The following LRP6 variants were observed in gnomAD, a reference collection of about 807,000 sequenced individuals.
LRP6 encodes the protein low-density lipoprotein receptor-related protein 6.
A neutral mutation model predicts 184.1 loss-of-function variants in LRP6; 43 were observed. The observed-to-expected ratio is 0.23, with a 90% CI of 0.18 to 0.30. LRP6 has a LOEUF of 0.30. LRP6 is among the 10% of genes least tolerant of loss of function. The pLI is 1.00. For missense variants in LRP6, 1,571 were observed against 2,005.3 expected, an observed-to-expected ratio of 0.78 and a Z score of 4.14; for synonymous variants, 719 against 684.9, an observed-to-expected ratio of 1.05 and a Z score of -0.78.
At chr12:12,201,360 C>A (rs1863910725) in intron 3 of LRP6, among the ~76,000 whole-genome samples, 1 of 152,200 alleles carries the variant, frequency 6.6e-6, no homozygotes, top group Admixed American at 6.5e-5. Flanking sequence ...CTAGCTTCTT[C>A]TGTCTTTACC....
chr12:12,147,478 G>C lies in LRP6; in HGVS notation c.3285C>G (p.Val1095=). The stretch of plus-strand genomic sequence containing the variant: ...GTTTACTTAAGCCACTGAAAAAGAG[G>C]ACCTCCCGTTCTGTCCCATCCAAAG... ...RAALDGTERE[V]LFFSGLSKPI... Residue 1095 remains valine, a synonymous_variant, in exon 15 of 23, where the codon GTC becomes GTG. Coordinates refer to ENST00000261349, the MANE Select transcript of LRP6 (RefSeq NM_002336.3). 1 of 1,614,084 alleles carries C rather than the reference G, an allele frequency of 6.2e-7. No individual in the cohort carries two copies. The highest frequency in any genetic ancestry group is 8.5e-7 in the Non-Finnish European group (1 of 1,180,010).
chr12:12,263,918 A>C (rs1281422340), intron 1 of LRP6, among the ~76,000 whole-genome samples: 1 of 152,018 alleles, frequency 6.6e-6, no homozygotes, highest in African/African-American at 2.4e-5. Flanking sequence ...TGAGAGGATC[A>C]CTTGAGGCCA....
Position 12,164,429 on chromosome 12 carries a change from A to G in LRP6, c.1896T>C (p.Ala632=), listed in dbSNP as rs761048803. 9.3e-6 allele frequency: 15 copies of G among 1,614,202 alleles called. No homozygotes were observed. In the South Asian group the frequency reaches 1.6e-4, roughly 18 times the overall value. ...CTGCTCTCCGTGAAAACAAAAGGAA[A>G]GCCTCTGGGACAATGCAGGTCTTCA... ...SDMKTCIVPE[A]FLLFSRRADI... Residue 632 remains alanine (A), a synonymous_variant, in exon 9 of 23, where the codon GCT becomes GCC. Coordinates refer to ENST00000261349, the MANE Select transcript of LRP6 (RefSeq NM_002336.3).
Position 12,185,816 on chromosome 12 carries a change from A to G in LRP6, c.844+1107T>C, listed in dbSNP as rs548610923. On this transcript the variant is annotated intron_variant, in intron 4 of 22. Coordinates refer to ENST00000261349, the MANE Select transcript of LRP6 (RefSeq NM_002336.3). ...TTAACAGAGTTTTCATTTAAAAAGAAGAGGCGTTTTTGTGTGTGTGTGTGT... is the reference window on the plus strand; with the variant it reads ...TTAACAGAGTTTTCATTTAAAAAGAGGAGGCGTTTTTGTGTGTGTGTGTGT... Among the ~76,000 whole-genome samples the G allele has an allele frequency of 1.3e-3, 191 of 151,022 alleles. 3 individuals carry two copies. In the East Asian group the frequency reaches 0.032, roughly 25 times the overall value.
chr12:12,208,533 G>C (rs1406092577), intron 2 of LRP6, among the ~76,000 whole-genome samples: 4 of 152,152 alleles, frequency 2.6e-5, no homozygotes, highest in Non-Finnish European at 5.9e-5. Flanking sequence ...GCTCTTGGCA[G>C]GTTTTGTTAT....
At chr12:12,247,153 G>A (rs1865208784) in intron 1 of LRP6, among the ~76,000 whole-genome samples, 1 of 152,094 alleles carries the variant, frequency 6.6e-6, no homozygotes, top group Non-Finnish European at 1.5e-5. Context: ...CATACTATGG[G>A]CCAAATATAA....
rs1949579883 is a variant in LRP6 at position 12,120,015 on chromosome 12, AT to A, written c.*1110del. 9.4e-6 allele frequency: 1 copy of A among 105,876 alleles called. No individual in the cohort carries two copies. The highest frequency in any genetic ancestry group is 3.3e-5 in the African/African-American group (1 of 30,622). The allele number at this position is 105,876 out of a possible 1,614,324, so 6.6% of individuals were successfully genotyped here. On this transcript the variant is annotated 3_prime_UTR_variant, in exon 23 of 23. Coordinates refer to ENST00000261349, the MANE Select transcript of LRP6 (RefSeq NM_002336.3). ...AATATATATATATATATATATATATATATATATATATATATATATATATATA... is the reference window on the plus strand; with the variant it reads ...AATATATATATATATATATATATATAATATATATATATATATATATATATA...
At chr12:12,165,885 C>T (rs1281301540) in intron 7 of LRP6, among the ~76,000 whole-genome samples, 1 of 152,034 alleles carries the variant, frequency 6.6e-6, no homozygotes, top group Non-Finnish European at 1.5e-5. Flanking sequence ...ACAAAAGTAT[C>T]GGGATTATAT....
chr12:12,138,449 A>G lies in LRP6; in HGVS notation c.3483T>C (p.Asp1161=). The part of the protein sequence containing the change: ...TVFENWLYWI[D]KQQQMIEKID... ...TTTTTTCAATCATTTGCTGCTGTTT[A>G]TCAATCCAATAGAGCCAGTTTTCAA... is the stretch of plus-strand genomic sequence containing the variant. Residue 1161 remains aspartate, a synonymous_variant, in exon 16 of 23, where the codon GAT becomes GAC. Coordinates refer to ENST00000261349, the MANE Select transcript of LRP6 (RefSeq NM_002336.3). 6.2e-7 allele frequency: 1 copy of G among 1,614,126 alleles called. No individual in the cohort carries two copies. The highest frequency in any genetic ancestry group is 8.5e-7 in the Non-Finnish European group (1 of 1,180,022).
chr12:12,165,022 T>C, intron 8 of LRP6, 57 bp downstream of exon 8: 1 of 1,285,670 alleles, frequency 7.8e-7, no homozygotes, highest in Non-Finnish European at 1.1e-6. Flanking sequence ...CTGCTGACTA[T>C]CTCCATCTTT....
intron 7 of LRP6, among the ~76,000 whole-genome samples, chr12:12,179,449 A>G (rs143379697): frequency 1.3e-5 from 2 of 151,428 alleles, no homozygotes; most frequent in African/African-American, 4.9e-5. Flanking sequence ...TTGTTTTCCT[A>G]ACTTAGGACA....
In LRP6 at chr12:12,164,482, G is replaced by A. The variant is rs781725492; in HGVS notation, c.1843C>T (p.Pro615Ser). 6.2e-7 allele frequency: 1 copy of A among 1,614,076 alleles called. No homozygotes were observed. Among genetic ancestry groups the A allele is most frequent in the Non-Finnish European group, 8.5e-7 (1 of 1,180,026 alleles). The change falls in exon 9 of 23, where the codon CCT becomes TCT. Residue 615 changes from proline to serine, a missense_variant. By Grantham distance (74) the Pro-to-Ser change is moderately conservative. Coordinates refer to ENST00000261349, the MANE Select transcript of LRP6 (RefSeq NM_002336.3). ...YRPQGLRCAC[P>S]IGFELISDMK... The stretch of plus-strand genomic sequence containing the variant: ...TCACTGATGAGTTCAAAGCCAATAG[G>A]GCAAGCACAGCGAAGGCCCTGAGGT...
intron 2 of LRP6, among the ~76,000 whole-genome samples, chr12:12,234,260 G>A (rs550086984): frequency 1.6e-4 from 25 of 151,654 alleles, no homozygotes; most frequent in African/African-American, 5.6e-4. Flanking sequence ...ACACTTTAGC[G>A]TGGGCAACAA....
chr12:12,123,563 A>G (rs933048689), intron 22 of LRP6, among the ~76,000 whole-genome samples: 2 of 152,224 alleles, frequency 1.3e-5, no homozygotes, highest in African/African-American at 2.4e-5. Context: ...TATCTAGAAG[A>G]TAACAGGCAC....
chr12:12,149,539 C>T (rs1950052722), intron 13 of LRP6, among the ~76,000 whole-genome samples: 2 of 152,186 alleles, frequency 1.3e-5, no homozygotes, highest in Non-Finnish European at 2.9e-5. Context: ...TATTGCCCCG[C>T]CATGGGCATT....
intron 7 of LRP6, among the ~76,000 whole-genome samples, chr12:12,176,039 A>G (rs75837283): frequency 1.4e-5 from 2 of 143,694 alleles, no homozygotes; most frequent in East Asian, 4.1e-4. Flanking sequence ...AAAAAAAAAA[A>G]GGAATGCTGT....
Position 12,151,053 on chromosome 12 carries a change from A to T in LRP6, c.2792-15T>A, listed in dbSNP as rs1168891502. 1 of 1,607,556 alleles carries T rather than the reference A, an allele frequency of 6.2e-7. No homozygotes were observed. The highest frequency in any genetic ancestry group is 8.5e-7 in the Non-Finnish European group (1 of 1,175,260). On this transcript the variant is annotated splice_polypyrimidine_tract_variant and intron_variant, in intron 12 of 22. Transcript: ENST00000261349. The stretch of plus-strand genomic sequence containing the variant: ...AGTCGTAGGAGCTTAAAAGGAAGAA[A>T]AGAGAAAATCTGAAATCTAGTTACC...
chr12:12,231,592 T>C (rs1864789896), intron 2 of LRP6, among the ~76,000 whole-genome samples: 3 of 152,092 alleles, frequency 2.0e-5, no homozygotes, highest in Non-Finnish European at 2.9e-5. Context: ...ATGATAACAT[T>C]TGATAACTCA....
intron 2 of LRP6, among the ~76,000 whole-genome samples, chr12:12,225,169 C>T (rs1315341587): frequency 2.6e-5 from 4 of 152,104 alleles, no homozygotes; most frequent in African/African-American, 9.7e-5. Context: ...GCCAAAATCA[C>T]GCCACTGCAC....
Sources: gnomAD v4.1 joint callset for allele counts (sites outside exome capture counted in the v4.1 genomes callset) on GRCh38, gnomAD v4.1.1 for gene constraint, MANE v1.5 for transcripts, NCBI Gene and HGNC (gene_info 2026-07-23, HGNC 2026-07-21) for gene names.